ASPM: variants seen among roughly 807,000 people sequenced by gnomAD.
ASPM encodes the protein abnormal spindle-like microcephaly-associated protein.
In ASPM, 256 loss-of-function variants were observed where a neutral mutation model predicts 366.4. That is an observed-to-expected ratio of 0.70 (90% CI 0.63 to 0.77). ASPM has a LOEUF of 0.77. ASPM is among the 30% of genes least tolerant of loss of function. The pLI, the probability that ASPM is intolerant of heterozygous loss-of-function variation, is 0.00. For synonymous variants in ASPM, 1,414 were observed against 1,342.9 expected (o/e 1.05, Z -1.16); for missense variants, 4,146 against 4,090.4 (o/e 1.01, Z -0.37).
chr1:197,139,939 G>T, intron 3 of ASPM, 68 bp from the exon 4 acceptor site: 1 of 1,120,032 alleles, frequency 8.9e-7, no homozygotes, highest in Non-Finnish European at 1.3e-6. Context: ...TCAGTGATTT[G>T]AAAGTTAAAG....
intron 12 of ASPM, 132 bp from the exon 13 acceptor site, chr1:197,124,463 AAAG>A: frequency 1.4e-6 from 1 of 736,828 alleles, no homozygotes; most frequent in East Asian, 2.7e-5. Flanking sequence ...TAAAAAAATC[AAAG>A]AAAATAAAGT....
chr1:197,101,729 T>C lies in ASPM; in HGVS notation c.7522A>G (p.Ile2508Val), dbSNP rs1316645469. 1 of 1,612,170 alleles carries C rather than the reference T, an allele frequency of 6.2e-7. No individual in the cohort carries two copies. The highest frequency in any genetic ancestry group is 1.3e-5 in the African/African-American group (1 of 74,784). The part of the protein sequence containing the change: ...ITFQTWKHAS[I>V]LIQQHYRTYR... ...GTTCGATAATGTTGCTGAATTAGAATTGAAGCATGTTTCCAAGTCTGAAAT... is the reference window on the plus strand; with the variant it reads ...GTTCGATAATGTTGCTGAATTAGAACTGAAGCATGTTTCCAAGTCTGAAAT... The change falls in exon 18 of 28, where the codon ATT becomes GTT. Residue 2508 changes from isoleucine (I) to valine (V), a missense_variant. Around this residue, in one of 3 missense-constraint regions of ASPM, gnomAD observed 3,624 missense variants for 3,591.7 expected, o/e 1.01. Transcript: ENST00000367409.
In ASPM at chr1:197,125,283, C is replaced by G. The variant is rs1658056550; in HGVS notation, c.2937-92G>C. ...ATATAGTTATTTCCCACATAAATCC[C>G]AACAGTTACAGGGCTTTATGATCAG... is the stretch of plus-strand genomic sequence containing the variant. On this transcript the variant is annotated intron_variant, in intron 10 of 27. Transcript: ENST00000367409. 2.8e-6 allele frequency: 4 copies of G among 1,447,040 alleles called. No homozygotes were observed. The Admixed American group carries it at 6.8e-5, about 25-fold the overall frequency. The allele number at this position is 1,447,040 out of a possible 1,614,324, so 89.6% of individuals were successfully genotyped here.
intron 10 of ASPM, 84 bp downstream of exon 10, chr1:197,128,406 A>G: frequency 2.1e-6 from 3 of 1,397,542 alleles, no homozygotes; most frequent in Non-Finnish European, 3.0e-6. Flanking sequence ...TGAAAGAGCA[A>G]GATTGAATAA....
chr1:197,113,682 A>G (rs1657656624), intron 17 of ASPM, among the ~76,000 whole-genome samples: 2 of 152,194 alleles, frequency 1.3e-5, no homozygotes, highest in Non-Finnish European at 2.9e-5. Context: ...TTAGTAAGAT[A>G]TAAAACAGTA....
intron 13 of ASPM, among the ~76,000 whole-genome samples, 159 bp from the exon 14 acceptor site, chr1:197,122,754 GA>G (rs954955281): frequency 3.3e-5 from 5 of 151,906 alleles, no homozygotes; most frequent in African/African-American, 1.2e-4. Flanking sequence ...AAATTTAAAA[GA>G]AAAAAATAAA....
In ASPM at chr1:197,101,376, G is replaced by GTGC; in HGVS notation, c.7872_7874dup (p.Gln2624dup). 1 of 1,609,468 alleles carries GTGC rather than the reference G, an allele frequency of 6.2e-7. No homozygotes were observed. The highest frequency in any genetic ancestry group is 1.1e-5 in the South Asian group (1 of 91,000). On this transcript the variant is annotated inframe_insertion, in exon 18 of 28. Coordinates refer to ENST00000367409, the MANE Select transcript of ASPM (RefSeq NM_018136.5). Reference sequence around the variant, plus strand: ...GCTTCTGAATAATAATGGCAGCCTGGTGCTGTTCCTGAATCTGTTTTTTTA... The same window carrying GTGC: ...GCTTCTGAATAATAATGGCAGCCTGGTGCTGCTGTTCCTGAATCTGTTTTTTTA...
intron 18 of ASPM, among the ~76,000 whole-genome samples, chr1:197,100,223 T>C (rs541948345): frequency 8.6e-5 from 13 of 151,814 alleles, no homozygotes; most frequent in Admixed American, 7.2e-4. Context: ...AGGGTGACCA[T>C]GGCCAGAACA....
At chr1:197,138,984 TTCTC>T in intron 4 of ASPM, 1 of 724,280 alleles carries the variant, frequency 1.4e-6, no homozygotes, top group Non-Finnish European at 2.5e-6. Flanking sequence ...TCAACTCTTC[TTCTC>T]TCTGACATTG....
At position 197,090,328 on chromosome 1, in the gene ASPM, G is replaced by T; in HGVS notation, c.9697C>A (p.Arg3233=). 1 of 1,612,486 alleles carries T rather than the reference G, an allele frequency of 6.2e-7. No homozygotes were observed. The highest frequency in any genetic ancestry group is 8.5e-7 in the Non-Finnish European group (1 of 1,179,078). The change falls in exon 24 of 28, where the codon CGA becomes AGA. Residue 3233 remains arginine (R), a synonymous_variant. Transcript: ENST00000367409. ...KNDCTKIKAI[R]LSLQVVNREI... is the part of the protein sequence containing the mutation. ...CTATTAACAACTTGAAGACTTAGTC[G>T]TATAGCTTTAATTTTTGTACAATCA... is the stretch of plus-strand genomic sequence containing the variant.
chr1:197,127,003 G>T (rs893886787), intron 10 of ASPM, among the ~76,000 whole-genome samples: 4 of 152,046 alleles, frequency 2.6e-5, no homozygotes, highest in Non-Finnish European at 5.9e-5. Context: ...TACTTATTTT[G>T]CTTGGCAATA....
intron 7 of ASPM, among the ~76,000 whole-genome samples, chr1:197,132,070 T>C (rs1023369546): frequency 3.3e-5 from 5 of 152,180 alleles, no homozygotes; most frequent in African/African-American, 1.2e-4. Context: ...TAAAATGTTG[T>C]ATTACAATAT....
Position 197,109,836 on chromosome 1 carries a change from T to G in ASPM, c.4066-4651A>C, listed in dbSNP as rs146241596. Among the ~76,000 whole-genome samples the G allele has an allele frequency of 2.3e-3, 354 of 151,966 alleles. 3 individuals carry two copies. The highest frequency in any genetic ancestry group is 8.1e-3 in the African/African-American group (337 of 41,504). ...TTATAAAAAAGAAACAAATGGGAAC[T>G]GAAATTAAAAAGCAATACTATTTAT... On this transcript the variant is annotated intron_variant, in intron 17 of 27. Coordinates refer to ENST00000367409, the MANE Select transcript of ASPM (RefSeq NM_018136.5).
chr1:197,129,043 A>C, intron 9 of ASPM, 144 bp downstream of exon 9: 1 of 852,290 alleles, frequency 1.2e-6, no homozygotes, highest in Admixed American at 2.8e-5. Flanking sequence ...GATGGGACTC[A>C]CCAGACAGGC....
chr1:197,106,588 C>A (rs1657418618), intron 17 of ASPM, among the ~76,000 whole-genome samples: 1 of 152,032 alleles, frequency 6.6e-6, no homozygotes, highest in African/African-American at 2.4e-5. Flanking sequence ...TACTCCATTA[C>A]TGAAATGTTA....
intron 27 of ASPM, 139 bp downstream of exon 27, chr1:197,086,664 T>A: frequency 2.6e-6 from 2 of 775,762 alleles, no homozygotes; most frequent in Non-Finnish European, 4.4e-6. Flanking sequence ...CTTTTAAATT[T>A]ACCAAACATT....
chr1:197,128,787 TACA>T, intron 9 of ASPM, 122 bp from the exon 10 acceptor site: 2 of 816,732 alleles, frequency 2.4e-6, no homozygotes, highest in Non-Finnish European at 3.7e-6. Context: ...TTTCATATTA[TACA>T]TTAATAATGC....
In ASPM at chr1:197,103,114, G is replaced by C; in HGVS notation, c.6137C>G (p.Ala2046Gly). 1 of 1,612,782 alleles carries C rather than the reference G, an allele frequency of 6.2e-7. No homozygotes were observed. The highest frequency in any genetic ancestry group is 8.5e-7 in the Non-Finnish European group (1 of 1,179,356). The change falls in exon 18 of 28, where the codon GCA (alanine) becomes GGA (glycine). Residue 2046 changes from alanine to glycine, a missense_variant. This residue lies in a region of ASPM where 3,624 missense variants were observed against 3,591.7 expected (regional missense o/e 1.01). Coordinates refer to ENST00000367409, the MANE Select transcript of ASPM (RefSeq NM_018136.5). ...GTATTTAGACTGTATAGTGACTGCT[G>C]CTTTGTTGCAATCCTTTATTCTTTT... ...VRKRIKDCNKAAVTIQSKYRA... is the reference protein window; with the variant it reads ...VRKRIKDCNKGAVTIQSKYRA...
At position 197,115,119 on chromosome 1, in the gene ASPM, C is replaced by T. The variant is rs111996942; in HGVS notation, c.4065+2670G>A. On this transcript the variant is annotated intron_variant, in intron 17 of 27. Coordinates refer to ENST00000367409, the MANE Select transcript of ASPM (RefSeq NM_018136.5). ...TCTCGAACTCCTAGCCTCAAGCCATCCTCCCACCTCAGCCTCCCAAGTTGT... is the reference window on the plus strand; with the variant it reads ...TCTCGAACTCCTAGCCTCAAGCCATTCTCCCACCTCAGCCTCCCAAGTTGT... 8.4e-3 allele frequency among the ~76,000 whole-genome samples: 1,274 copies of T among 152,150 alleles called. 14 individuals are homozygous for T. Among genetic ancestry groups the T allele is most frequent in the African/African-American group, 0.028 (1,173 of 41,494 alleles).
Sources: gnomAD v4.1 joint callset for allele counts (sites outside exome capture counted in the v4.1 genomes callset) on GRCh38, gnomAD v4.1.1 for gene constraint, gnomAD v4.1.1 regional missense constraint, MANE v1.5 for transcripts, NCBI Gene and HGNC (gene_info 2026-07-23, HGNC 2026-07-21) for gene names.